Variants in CACNA1G observed in about 807,000 individuals in gnomAD.
The protein encoded by CACNA1G is voltage-dependent T-type calcium channel subunit alpha-1G.
A neutral mutation model predicts 219.4 loss-of-function variants in CACNA1G; 67 were observed. That is an observed-to-expected ratio of 0.31 (90% CI 0.25 to 0.37). The LOEUF is 0.37. CACNA1G is among the 10% of genes least tolerant of loss of function. CACNA1G has a pLI of 1.00. For synonymous variants in CACNA1G, 1,296 were observed against 1,345.3 expected, an observed-to-expected ratio of 0.96 and a Z score of 0.80; for missense variants, 2,380 against 3,231.4, an observed-to-expected ratio of 0.74 and a Z score of 6.39.
At chr17:50,622,634 G>A (rs1000417142) in intron 35 of CACNA1G, among the ~76,000 whole-genome samples, 2 of 152,180 alleles carry the variant, frequency 1.3e-5, no homozygotes, top group East Asian at 1.9e-4. Context: ...TGGCGACAGG[G>A]CCCCTACAGC....
chr17:50,626,276 A>T lies in CACNA1G; in HGVS notation c.6659A>T (p.Glu2220Val), dbSNP rs767854693. 1 of 1,613,572 alleles carries T rather than the reference A, an allele frequency of 6.2e-7. No individual in the cohort carries two copies. The change falls in exon 38 of 38, where the codon GAG (glutamate) becomes GTG (valine). Residue 2220 changes from glutamate to valine, a missense_variant. Around this residue, in one of 17 missense-constraint regions of CACNA1G, gnomAD observed 672 missense variants for 670.5 expected, o/e 1.00. Coordinates refer to ENST00000359106, the MANE Select transcript of CACNA1G (RefSeq NM_018896.5). The surrounding 1 kb of genome is among the most constrained non-coding windows in gnomAD (Gnocchi z 4.3). ...AGAAGCAGCTTAGAGTTGGACACGGAGCTGAGCTGGATTTCAGGAGACCTC... is the reference window on the plus strand; with the variant it reads ...AGAAGCAGCTTAGAGTTGGACACGGTGCTGAGCTGGATTTCAGGAGACCTC... ...ETRSSLELDT[E>V]LSWISGDLLP...
intron 19 of CACNA1G, 41 bp from the exon 20 acceptor site, chr17:50,602,779 G>T: frequency 6.3e-7 from 1 of 1,598,356 alleles, no homozygotes; most frequent in Non-Finnish European, 8.6e-7. Context: ...CCAAGGGTGG[G>T]GGCTTCCTGG....
chr17:50,603,212 C>T lies in CACNA1G; in HGVS notation c.4169+13C>T. The T allele has an allele frequency of 6.3e-7, 1 of 1,597,730 alleles. No homozygotes were observed. The highest frequency in any genetic ancestry group is 8.5e-7 in the Non-Finnish European group (1 of 1,178,402). On this transcript the variant is annotated intron_variant, in intron 21 of 37. Transcript: ENST00000359106. The surrounding 1 kb of genome is among the most constrained non-coding windows in gnomAD (Gnocchi z 6.4). ...TGCGCCCGCTCAGGTGACTCCCTCC[C>T]CAGCACTGGAACACCTCCAAGAGGT... is the stretch of plus-strand genomic sequence containing the variant.
At chr17:50,565,389 G>A (rs897968582) in intron 1 of CACNA1G, among the ~76,000 whole-genome samples, 5 of 142,958 alleles carry the variant, frequency 3.5e-5, no homozygotes, top group Non-Finnish European at 6.2e-5. Context: ...GGGTGGGGCG[G>A]GGGGTTCTGC....
intron 26 of CACNA1G, among the ~76,000 whole-genome samples, chr17:50,611,080 C>T (rs1022824427): frequency 6.6e-6 from 1 of 151,856 alleles, no homozygotes; most frequent in South Asian, 2.1e-4. Context: ...ATGGTGAAAC[C>T]CCGTCTCTAC....
In CACNA1G at chr17:50,591,874, G is replaced by A. The variant is rs373226961; in HGVS notation, c.2754+21G>A. Reference sequence around the variant, plus strand: ...TTCAGGTGCGAGGGTAACAGGGCAGGGCGTGGACAGGGGCCGTCAGGTGCC... The same window carrying A: ...TTCAGGTGCGAGGGTAACAGGGCAGAGCGTGGACAGGGGCCGTCAGGTGCC... On this transcript the variant is annotated intron_variant, in intron 12 of 37. Coordinates refer to ENST00000359106, the MANE Select transcript of CACNA1G (RefSeq NM_018896.5). The A allele has an allele frequency of 1.6e-4, 255 of 1,613,720 alleles. 2 individuals are homozygous for A. The Middle Eastern group carries it at 4.3e-3, about 27-fold the overall frequency.
chr17:50,613,031 C>T (rs2049576137), intron 26 of CACNA1G, among the ~76,000 whole-genome samples: 1 of 152,220 alleles, frequency 6.6e-6, no homozygotes, highest in African/African-American at 2.4e-5. Context: ...GTGGCATCGC[C>T]AGGCCCCAAC....
At position 50,603,188 on chromosome 17, in the gene CACNA1G, G is replaced by A. The variant is rs2047120138; in HGVS notation, c.4158G>A (p.Leu1386=). 6.2e-7 allele frequency: 1 copy of A among 1,604,130 alleles called. No homozygotes were observed. Among genetic ancestry groups the A allele is most frequent in the Admixed American group, 1.7e-5 (1 of 59,954 alleles). ...GGGTGCTGCGGCTGCTGCGGACCCT[G>A]CGCCCGCTCAGGTGACTCCCTCCCC... ...MLRVLRLLRT[L]RPLRVISRAQ... The change falls in exon 21 of 38, where the codon CTG becomes CTA. Residue 1386 remains leucine (L), a synonymous_variant. Coordinates refer to ENST00000359106, the MANE Select transcript of CACNA1G (RefSeq NM_018896.5). The surrounding 1 kb of genome is among the most constrained non-coding windows in gnomAD (Gnocchi z 6.4).
At position 50,605,942 on chromosome 17, in the gene CACNA1G, G is replaced by T; in HGVS notation, c.4341G>T (p.Arg1447Ser). Reference sequence around the variant, plus strand: ...TCGTGTGCCAGGGCGAGGATACCAGGAACATCACCAATAAATCGGACTGTG... The same window carrying T: ...TCGTGTGCCAGGGCGAGGATACCAGTAACATCACCAATAAATCGGACTGTG... The part of the protein sequence containing the change: ...KFFVCQGEDT[R>S]NITNKSDCAE... The change falls in exon 23 of 38, where the codon AGG becomes AGT. Residue 1447 changes from arginine to serine, a missense_variant. Arg to Ser is a moderately radical substitution (Grantham distance 110). This residue lies in a region of CACNA1G where 153 missense variants were observed against 374.9 expected (regional missense o/e 0.41). Transcript: ENST00000359106. 1 of 1,613,654 alleles carries T rather than the reference G, an allele frequency of 6.2e-7. No individual in the cohort carries two copies. Among genetic ancestry groups the T allele is most frequent in the Non-Finnish European group, 8.5e-7 (1 of 1,179,848 alleles).
Position 50,591,351 on chromosome 17 carries a change from C to G in CACNA1G, c.2454-84C>G. 2.2e-6 allele frequency: 3 copies of G among 1,356,530 alleles called. No homozygotes were observed. In the South Asian group the frequency reaches 4.6e-5, roughly 21 times the overall value. 84.0% of individuals were successfully genotyped at this position (1,356,530 alleles called of 1,614,324 possible). A position where few individuals can be genotyped will look rare whatever the true frequency, so the allele number is the denominator to read the frequency against. On this transcript the variant is annotated intron_variant, in intron 10 of 37. Transcript: ENST00000359106. ...CTCGACGTGCCCACCCAGCCAGGCC[C>G]TTGGGTGCTACTGAGTCCTCTCCGA...
At chr17:50,592,314 C>T (rs1213936565) in intron 13 of CACNA1G, among the ~76,000 whole-genome samples, 1 of 152,146 alleles carries the variant, frequency 6.6e-6, no homozygotes, top group Non-Finnish European at 1.5e-5. Context: ...GGTCCCTCCA[C>T]CAAAGCTTAG....
chr17:50,577,569 G>A (rs1171482770), intron 8 of CACNA1G, among the ~76,000 whole-genome samples: 2 of 151,104 alleles, frequency 1.3e-5, no homozygotes, highest in African/African-American at 4.9e-5. Flanking sequence ...ATGTGTGTAG[G>A]TGCATGTGCG....
intron 22 of CACNA1G, 145 bp downstream of exon 22, chr17:50,604,426 C>T: frequency 2.8e-6 from 3 of 1,055,276 alleles, no homozygotes; most frequent in Non-Finnish European, 4.1e-6. Flanking sequence ...AGGCTCTAGG[C>T]CCTTTTACCT....
chr17:50,618,630 C>G lies in CACNA1G; in HGVS notation c.5428-25C>G. The G allele has an allele frequency of 6.4e-7, 1 of 1,554,780 alleles. No individual in the cohort carries two copies. Among genetic ancestry groups the G allele is most frequent in the African/African-American group, 1.4e-5 (1 of 73,830 alleles). On this transcript the variant is annotated intron_variant, in intron 32 of 37. Coordinates refer to ENST00000359106, the MANE Select transcript of CACNA1G (RefSeq NM_018896.5). This position sits in a 1 kb window ranked among gnomAD's most constrained non-coding sequence, Gnocchi z 5.3. ...CTCCAACAACTGTCCTCCCCAGCCT[C>G]ACCCCTCTATTCCACCCTCCCCAGG...
chr17:50,623,126 C>T (rs1161962074), intron 35 of CACNA1G, among the ~76,000 whole-genome samples: 2 of 134,854 alleles, frequency 1.5e-5, no homozygotes, highest in East Asian at 4.6e-4. Flanking sequence ...GACAGGGTCT[C>T]ACTCTGTTGC....
At chr17:50,586,795 A>C (rs1310632309) in intron 9 of CACNA1G, among the ~76,000 whole-genome samples, 1 of 152,220 alleles carries the variant, frequency 6.6e-6, no homozygotes. Context: ...TTTTAGGGCT[A>C]GTTGATGGAG....
chr17:50,619,508 C>A (rs2146311720), intron 33 of CACNA1G, among the ~76,000 whole-genome samples, 175 bp from the exon 34 acceptor site: 1 of 132,284 alleles, frequency 7.6e-6, no homozygotes, highest in Non-Finnish European at 1.6e-5. Flanking sequence ...TCCTCTTTTT[C>A]TCTTTGTTGC....
At chr17:50,573,159 C>CT in intron 7 of CACNA1G, 46 bp downstream of exon 7, 1 of 1,386,536 alleles carries the variant, frequency 7.2e-7, no homozygotes, top group Non-Finnish European at 1.0e-6. Context: ...ATCCTGGGGA[C>CT]ACCTGTGGGG....
intron 13 of CACNA1G, among the ~76,000 whole-genome samples, chr17:50,592,658 T>C (rs2044587217): frequency 6.6e-6 from 1 of 152,344 alleles, no homozygotes; most frequent in South Asian, 2.1e-4. Context: ...TCAATTAATA[T>C]TGATTTACAT....
Sources: gnomAD v4.1 joint callset for allele counts (sites outside exome capture counted in the v4.1 genomes callset) on GRCh38, gnomAD v4.1.1 for gene constraint, gnomAD v4.1.1 regional missense constraint, Gnocchi (gnomAD v3.1) non-coding constraint, MANE v1.5 for transcripts, NCBI Gene and HGNC (gene_info 2026-07-23, HGNC 2026-07-21) for gene names.